ATE1: variants seen among roughly 807,000 people sequenced by gnomAD.
ATE1 encodes the protein arginyltransferase 1, also known as arginyl-tRNA--protein transferase 1.
In ATE1, 36 loss-of-function variants were observed where a neutral mutation model predicts 70.5. The observed-to-expected ratio is 0.51, with a 90% CI of 0.39 to 0.67. The LOEUF (loss-of-function observed/expected upper bound fraction) is 0.67, where lower values mean the gene tolerates loss of function less well. Ranked by LOEUF, ATE1 falls within the 30% of genes least tolerant of loss-of-function variation. ATE1 has a pLI of 0.00. For missense variants in ATE1, 593 were observed against 629.5 expected (o/e 0.94, Z 0.62); for synonymous variants, 232 against 219.3 (o/e 1.06, Z -0.51).
At chr10:121,870,618 T>G (rs1949821580) in intron 7 of ATE1, among the ~76,000 whole-genome samples, 1 of 152,174 alleles carries the variant, frequency 6.6e-6, no homozygotes, top group Non-Finnish European at 1.5e-5. Context: ...TCCCTTTCCT[T>G]CCTTCCTTCT....
chr10:121,890,154 T>C (rs1466049244), intron 7 of ATE1, among the ~76,000 whole-genome samples: 2 of 152,138 alleles, frequency 1.3e-5, no homozygotes, highest in African/African-American at 2.4e-5. Context: ...AAGAAGTCAA[T>C]ATTACAGAAA....
rs185957340 is a variant in ATE1 at position 121,916,564 on chromosome 10, G to A, written c.234-2671C>T. Among the ~76,000 whole-genome samples, 371 of 152,232 alleles carry A rather than the reference G, an allele frequency of 2.4e-3. 3 individuals are homozygous for A. Among genetic ancestry groups the A allele is most frequent in the Admixed American group, 0.019 (290 of 15,290 alleles). ...TAAAAAGAATCCCCAGGCCGGGCGC[G>A]GTGGCTCACGCTTGCAATCCCAACA... On this transcript the variant is annotated intron_variant, in intron 3 of 11. Transcript: ENST00000224652.
At chr10:121,827,848 GAAC>G (rs1452571776) in intron 10 of ATE1, among the ~76,000 whole-genome samples, 5 of 152,076 alleles carry the variant, frequency 3.3e-5, no homozygotes, top group Admixed American at 3.3e-4. Flanking sequence ...CATAAACAAT[GAAC>G]AATAAAACCA....
At chr10:121,751,888 G>A (rs1274838618) in intron 11 of ATE1, among the ~76,000 whole-genome samples, 1 of 152,036 alleles carries the variant, frequency 6.6e-6, no homozygotes, top group Non-Finnish European at 1.5e-5. Flanking sequence ...CCCAGTGCAA[G>A]GTGATGAAGA....
At chr10:121,832,738 A>T (rs1177499683) in intron 10 of ATE1, among the ~76,000 whole-genome samples, 1 of 152,172 alleles carries the variant, frequency 6.6e-6, no homozygotes, top group Non-Finnish European at 1.5e-5. Flanking sequence ...AGTCTCAGTT[A>T]TATCTTTATC....
intron 11 of ATE1, among the ~76,000 whole-genome samples, chr10:121,751,484 T>C (rs958602076): frequency 6.6e-6 from 1 of 152,262 alleles, no homozygotes; most frequent in African/African-American, 2.4e-5. Context: ...TGCTATTAGC[T>C]GCTTTCTAGG....
intron 11 of ATE1, among the ~76,000 whole-genome samples, chr10:121,750,730 C>CTGCTACATACAGCAT (rs1451495344): frequency 1.3e-5 from 2 of 152,216 alleles, no homozygotes; most frequent in African/African-American, 2.4e-5. Context: ...TCATTATTTA[C>CTGCTACATACAGCAT]TGCTACATAC....
At chr10:121,880,765 T>C (rs1235204540) in intron 7 of ATE1, among the ~76,000 whole-genome samples, 3 of 152,126 alleles carry the variant, frequency 2.0e-5, no homozygotes, top group Non-Finnish European at 4.4e-5. Flanking sequence ...TTAAAATTAT[T>C]TGGCATATAT....
intron 8 of ATE1, among the ~76,000 whole-genome samples, chr10:121,866,846 CAAAA>C (rs35535465): frequency 9.7e-6 from 1 of 102,950 alleles, no homozygotes. Flanking sequence ...GACTCTGTCT[CAAAA>C]AAAAAAAAAA....
At chr10:121,874,547 C>A (rs1414022832) in intron 7 of ATE1, among the ~76,000 whole-genome samples, 1 of 148,434 alleles carries the variant, frequency 6.7e-6, no homozygotes, top group Non-Finnish European at 1.5e-5. Context: ...CTTATTTAAC[C>A]TATTAGTGGG....
intron 7 of ATE1, among the ~76,000 whole-genome samples, chr10:121,891,342 T>C (rs956993154): frequency 6.6e-6 from 1 of 152,054 alleles, no homozygotes; most frequent in Non-Finnish European, 1.5e-5. Context: ...CCATGATACC[T>C]GAACATGTGA....
chr10:121,769,455 A>G (rs1328688945), intron 11 of ATE1, among the ~76,000 whole-genome samples: 1 of 152,194 alleles, frequency 6.6e-6, no homozygotes, highest in Non-Finnish European at 1.5e-5. Flanking sequence ...TTTAGAAGAA[A>G]ATACAGGAGA....
chr10:121,832,599 C>T (rs1428553439), intron 10 of ATE1, among the ~76,000 whole-genome samples: 2 of 152,156 alleles, frequency 1.3e-5, no homozygotes, highest in East Asian at 3.9e-4. Flanking sequence ...TAGGGGTTTC[C>T]GCTTTTGCAT....
intron 10 of ATE1, among the ~76,000 whole-genome samples, chr10:121,821,092 C>G (rs1211526067): frequency 1.3e-5 from 2 of 152,214 alleles, no homozygotes; most frequent in African/African-American, 4.8e-5. Context: ...CAGGCGCCCA[C>G]CACCACGCCT....
chr10:121,833,041 T>C (rs1028460481), intron 10 of ATE1, among the ~76,000 whole-genome samples: 1 of 152,194 alleles, frequency 6.6e-6, no homozygotes, highest in Admixed American at 6.5e-5. Flanking sequence ...TATACTGAAA[T>C]GCAGATAACA....
At chr10:121,770,233 A>AACACACACACACACACACAC (rs3036837) in intron 11 of ATE1, among the ~76,000 whole-genome samples, 74 of 136,924 alleles carry the variant, frequency 5.4e-4, no homozygotes, top group South Asian at 1.6e-3. Flanking sequence ...ACAAGAGAGA[A>AACACACACACACACACACAC]ACACACACAC....
chr10:121,859,753 C>T (rs560979852), intron 8 of ATE1, among the ~76,000 whole-genome samples: 1 of 151,820 alleles, frequency 6.6e-6, no homozygotes, highest in South Asian at 2.1e-4. Context: ...ACCAACCTGG[C>T]CCACATGGTG....
intron 10 of ATE1, among the ~76,000 whole-genome samples, chr10:121,826,362 G>A (rs956200091): frequency 3.3e-5 from 5 of 152,158 alleles, no homozygotes; most frequent in African/African-American, 1.2e-4. Context: ...CTGGAGTGCA[G>A]TGGCGCAATC....
intron 8 of ATE1, among the ~76,000 whole-genome samples, chr10:121,843,806 A>G (rs553896692): frequency 2.0e-5 from 3 of 152,286 alleles, no homozygotes; most frequent in African/African-American, 7.2e-5. Flanking sequence ...ACCTAAATAT[A>G]AAATGAGAAA....
Sources: gnomAD v4.1 joint callset for allele counts (sites outside exome capture counted in the v4.1 genomes callset) on GRCh38, gnomAD v4.1.1 for gene constraint, MANE v1.5 for transcripts, NCBI Gene and HGNC (gene_info 2026-07-23, HGNC 2026-07-21) for gene names.